PAM: variants seen among roughly 807,000 people sequenced by gnomAD.
PAM encodes peptidyl-glycine alpha-amidating monooxygenase.
PAM carries 72 observed loss-of-function variants against 122.1 expected under a neutral mutation model. That is an observed-to-expected ratio of 0.59 (90% CI 0.49 to 0.72). The LOEUF (loss-of-function observed/expected upper bound fraction) is 0.72, where lower values mean the gene tolerates loss of function less well. PAM is among the 30% of genes least tolerant of loss of function. PAM has a pLI of 0.00. For missense variants in PAM, 1,106 were observed against 1,183.7 expected (o/e 0.93, Z 0.96); for synonymous variants, 389 against 404.4 (o/e 0.96, Z 0.46).
intron 8 of PAM, among the ~76,000 whole-genome samples, chr5:102,947,594 TGG>T (rs1165257684): frequency 6.6e-6 from 1 of 152,126 alleles, no homozygotes; most frequent in Non-Finnish European, 1.5e-5. Context: ...GTTTGGGTGA[TGG>T]GTGCACCAAA....
chr5:102,776,042 A>C (rs928468472), intron 1 of PAM, among the ~76,000 whole-genome samples: 2 of 152,098 alleles, frequency 1.3e-5, no homozygotes, highest in Non-Finnish European at 2.9e-5. Context: ...TCTGACTGGC[A>C]TGAGATGGTA....
intron 1 of PAM, among the ~76,000 whole-genome samples, chr5:102,831,880 CT>C (rs1775568775): frequency 1.3e-5 from 2 of 151,884 alleles, no homozygotes; most frequent in Non-Finnish European, 2.9e-5. Context: ...TCTTCTCTCT[CT>C]CTCTCTCTCT....
At chr5:103,020,094 C>A (rs11951374) in intron 23 of PAM, among the ~76,000 whole-genome samples, 44,084 of 151,762 alleles carry the variant, frequency 0.29, 6,527 homozygotes, top group East Asian at 0.44. Context: ...GATACAAAAA[C>A]TTTGTAACTA....
At chr5:102,909,098 C>G (rs891200217) in intron 4 of PAM, among the ~76,000 whole-genome samples, 14 of 151,656 alleles carry the variant, frequency 9.2e-5, no homozygotes, top group African/African-American at 2.7e-4. Context: ...TTTTTTTATT[C>G]ATGACATACC....
chr5:102,799,806 T>C (rs1764226997), intron 1 of PAM, among the ~76,000 whole-genome samples: 1 of 152,236 alleles, frequency 6.6e-6, no homozygotes, highest in Non-Finnish European at 1.5e-5. Flanking sequence ...TTGCACTCCC[T>C]GAGCTAATTC....
At chr5:103,006,766 A>G (rs903803431) in intron 18 of PAM, 35 bp from the exon 19 acceptor site, 1 of 1,494,526 alleles carries the variant, frequency 6.7e-7, no homozygotes, top group Non-Finnish European at 9.3e-7. Context: ...AATAACCATG[A>G]AAAGTAGGTA....
chr5:102,782,719 CTCTCTCTGTGTGTG>C (rs1759343043), intron 1 of PAM, among the ~76,000 whole-genome samples: 1 of 146,038 alleles, frequency 6.8e-6, no homozygotes, highest in African/African-American at 2.7e-5. Context: ...CTCTCTCTCT[CTCTCTCTGTGTGTG>C]TGTGTGTGTG....
chr5:102,867,801 A>G (rs1295317204), intron 3 of PAM, among the ~76,000 whole-genome samples: 1 of 152,262 alleles, frequency 6.6e-6, no homozygotes, highest in Non-Finnish European at 1.5e-5. Context: ...CCACAAGTCA[A>G]GAAATAAAAA....
At chr5:102,965,798 T>G (rs926726518) in intron 14 of PAM, among the ~76,000 whole-genome samples, 2 of 152,092 alleles carry the variant, frequency 1.3e-5, no homozygotes, top group Admixed American at 1.3e-4. Flanking sequence ...GGACACCTTC[T>G]GTGAAACAGT....
intron 3 of PAM, among the ~76,000 whole-genome samples, chr5:102,888,296 G>T (rs1172902129): frequency 1.3e-5 from 2 of 151,876 alleles, no homozygotes; most frequent in Admixed American, 6.6e-5. Context: ...CAGCTCCATT[G>T]CTTCCCCCTG....
chr5:102,938,356 A>G (rs1753966059), intron 7 of PAM, among the ~76,000 whole-genome samples: 1 of 152,158 alleles, frequency 6.6e-6, no homozygotes, highest in Admixed American at 6.6e-5. Flanking sequence ...ACTTTCATTC[A>G]TAGGGTTATG....
At chr5:102,985,996 T>C (rs1045940343) in intron 15 of PAM, among the ~76,000 whole-genome samples, 1 of 152,148 alleles carries the variant, frequency 6.6e-6, no homozygotes, top group Non-Finnish European at 1.5e-5. Flanking sequence ...TATGATCATA[T>C]CAATAGATGC....
At chr5:102,847,822 T>C (rs1290438100) in intron 1 of PAM, among the ~76,000 whole-genome samples, 1 of 152,214 alleles carries the variant, frequency 6.6e-6, no homozygotes, top group Non-Finnish European at 1.5e-5. Context: ...CTAAAAAGTT[T>C]TATCTTTAAA....
chr5:103,009,077 A>G (rs992919802), intron 20 of PAM, among the ~76,000 whole-genome samples: 2 of 152,148 alleles, frequency 1.3e-5, no homozygotes, highest in East Asian at 1.9e-4. Context: ...TAGTGGTTCA[A>G]TCATCTGAAT....
chr5:102,875,650 TCTAAA>T (rs1457070021), intron 3 of PAM, among the ~76,000 whole-genome samples: 1 of 152,234 alleles, frequency 6.6e-6, no homozygotes, highest in Non-Finnish European at 1.5e-5. Context: ...CTTGTCTAAA[TCTAAA>T]CTAGAGGTCA....
At chr5:102,802,974 A>T (rs1765169833) in intron 1 of PAM, among the ~76,000 whole-genome samples, 1 of 152,046 alleles carries the variant, frequency 6.6e-6, no homozygotes, top group Non-Finnish European at 1.5e-5. Context: ...ACATTAAAAA[A>T]TTGCCAGGTG....
At chr5:102,842,521 C>T (rs1380526560) in intron 1 of PAM, among the ~76,000 whole-genome samples, 1 of 152,142 alleles carries the variant, frequency 6.6e-6, no homozygotes, top group East Asian at 1.9e-4. Context: ...CATTGTGAGG[C>T]CTCCCCACCC....
Position 102,830,299 on chromosome 5 carries a change from T to C in PAM, c.-373-35524T>C, listed in dbSNP as rs1775048169. Among the ~76,000 whole-genome samples the C allele has an allele frequency of 2.0e-5, 3 of 152,218 alleles. No homozygotes were observed. The South Asian group carries it at 6.2e-4, about 32-fold the overall frequency. ...AGCAGGACGATTGAAGTCATTAAGG[T>C]GGATGGTTTCTACCTGTTGGTTAGA... On this transcript the variant is annotated intron_variant, in intron 1 of 25. Coordinates refer to ENST00000438793, the MANE Select transcript of PAM (RefSeq NM_001177306.2).
rs560282761 is a variant in PAM, at chr5:102,777,169, G to C, written c.-374+21821G>C. 1.4e-4 allele frequency among the ~76,000 whole-genome samples: 21 copies of C among 152,060 alleles called. No individual in the cohort carries two copies. In the South Asian group the frequency reaches 4.4e-3, roughly 32 times the overall value. ...CAATAAAAATGGGTAATATAAATAT[G>C]GAAAAAGTGAAGCAACATTATGAAT... On this transcript the variant is annotated intron_variant, in intron 1 of 25. Coordinates refer to ENST00000438793, the MANE Select transcript of PAM (RefSeq NM_001177306.2).
Sources: allele counts gnomAD v4.1 joint callset (sites outside exome capture counted in the v4.1 genomes callset), GRCh38; gene constraint gnomAD v4.1.1; transcripts MANE v1.5; gene names NCBI Gene and HGNC (gene_info 2026-07-23, HGNC 2026-07-21).